Variants in SLC25A21 observed in about 807,000 individuals in gnomAD.
SLC25A21 encodes the protein solute carrier family 25 member 21.
A neutral mutation model predicts 43.8 loss-of-function variants in SLC25A21; 47 were observed. That is an observed-to-expected ratio of 1.07 (90% CI 0.85 to 1.37). SLC25A21 has a LOEUF of 1.37. Ranked by LOEUF, SLC25A21 falls within the 40% of genes most tolerant of loss-of-function variation. The pLI is 0.00. For missense variants in SLC25A21, 352 were observed against 350.2 expected, an observed-to-expected ratio of 1.00 and a Z score of -0.04; for synonymous variants, 131 against 121.3, an observed-to-expected ratio of 1.08 and a Z score of -0.52.
At chr14:37,013,960 T>C (rs1293858618) in intron 1 of SLC25A21, among the ~76,000 whole-genome samples, 1 of 152,110 alleles carries the variant, frequency 6.6e-6, no homozygotes, top group African/African-American at 2.4e-5. Flanking sequence ...AAGTGTTAAA[T>C]AGCATTATGT....
intron 1 of SLC25A21, among the ~76,000 whole-genome samples, chr14:37,054,718 A>C (rs1423623962): frequency 1.3e-5 from 2 of 152,206 alleles, no homozygotes; most frequent in African/African-American, 4.8e-5. Context: ...ATAGAACTAA[A>C]AAAAAGAATT....
At chr14:36,973,019 ATTTAT>A (rs36001814) in intron 1 of SLC25A21, among the ~76,000 whole-genome samples, 37,582 of 128,688 alleles carry the variant, frequency 0.29, 4,974 homozygotes, top group African/African-American at 0.38. Flanking sequence ...TTATTTATTT[ATTTAT>A]TTTATTTTAT....
chr14:36,727,132 A>G (rs1189319627), intron 5 of SLC25A21, among the ~76,000 whole-genome samples: 3 of 152,144 alleles, frequency 2.0e-5, no homozygotes, highest in African/African-American at 7.2e-5. Context: ...CTTGCCCCTC[A>G]CTTGCTAAGA....
intron 1 of SLC25A21, among the ~76,000 whole-genome samples, chr14:37,145,346 T>C (rs1471281848): frequency 6.6e-6 from 1 of 151,884 alleles, no homozygotes; most frequent in African/African-American, 2.4e-5. Context: ...GCAATCCTCA[T>C]GCCTTAGTCT....
intron 3 of SLC25A21, among the ~76,000 whole-genome samples, chr14:36,795,432 C>T (rs190272318): frequency 6.6e-6 from 1 of 152,186 alleles, no homozygotes; most frequent in South Asian, 2.1e-4. Flanking sequence ...CCTAGCAGTA[C>T]CATTCTTCTT....
intron 1 of SLC25A21, among the ~76,000 whole-genome samples, chr14:37,133,991 T>C (rs955954469): frequency 6.6e-6 from 1 of 152,076 alleles, no homozygotes; most frequent in Admixed American, 6.5e-5. Context: ...AACTGGCAAC[T>C]GGAAAAAACT....
chr14:36,930,217 T>C (rs932169529), intron 1 of SLC25A21, among the ~76,000 whole-genome samples: 1 of 152,176 alleles, frequency 6.6e-6, no homozygotes, highest in Admixed American at 6.5e-5. Flanking sequence ...TAATAAATTG[T>C]TGTCATAAGC....
intron 1 of SLC25A21, among the ~76,000 whole-genome samples, chr14:37,024,908 T>C (rs1961061183): frequency 1.3e-5 from 2 of 152,112 alleles, no homozygotes; most frequent in South Asian, 4.1e-4. Context: ...AGAAAATACT[T>C]TCCATTTGTC....
chr14:36,890,615 C>T (rs532261829), intron 1 of SLC25A21, among the ~76,000 whole-genome samples: 1 of 152,208 alleles, frequency 6.6e-6, no homozygotes, highest in Non-Finnish European at 1.5e-5. Flanking sequence ...ACTGTATCCT[C>T]AATGTCCAGG....
chr14:37,019,360 G>A (rs1439919372), intron 1 of SLC25A21, among the ~76,000 whole-genome samples: 1 of 151,658 alleles, frequency 6.6e-6, no homozygotes, highest in East Asian at 1.9e-4. Context: ...CATTTTAAAA[G>A]CCACTTTTTC....
chr14:37,168,960 GA>G (rs1416717306), intron 1 of SLC25A21, among the ~76,000 whole-genome samples: 2 of 152,172 alleles, frequency 1.3e-5, no homozygotes, highest in Non-Finnish European at 2.9e-5. Context: ...CTATCTTGTG[GA>G]AGACTGCCAC....
In SLC25A21 at chr14:36,848,934, T is replaced by C. The variant is rs900412735; in HGVS notation, c.119+26022A>G. On this transcript the variant is annotated intron_variant, in intron 2 of 9. Coordinates refer to ENST00000331299, the MANE Select transcript of SLC25A21 (RefSeq NM_030631.4). ...TTGTTTTTGCAACCTGATAAAATTCTGACTTTCCATCTCTCGCCCTATTAG... is the reference window on the plus strand; with the variant it reads ...TTGTTTTTGCAACCTGATAAAATTCCGACTTTCCATCTCTCGCCCTATTAG... 7.2e-5 allele frequency among the ~76,000 whole-genome samples: 11 copies of C among 152,328 alleles called. No homozygotes were observed. The East Asian group carries it at 2.1e-3, about 29-fold the overall frequency.
At chr14:37,046,544 G>A (rs570672603) in intron 1 of SLC25A21, among the ~76,000 whole-genome samples, 33 of 152,112 alleles carry the variant, frequency 2.2e-4, no homozygotes, top group African/African-American at 6.7e-4. Context: ...CACTCCCTAC[G>A]GTCATGTTGA....
intron 2 of SLC25A21, among the ~76,000 whole-genome samples, chr14:36,856,193 G>T (rs1246751999): frequency 6.6e-6 from 1 of 152,188 alleles, no homozygotes; most frequent in Admixed American, 6.5e-5. Context: ...TCGCTCCTGA[G>T]GCAGGAATGT....
intron 3 of SLC25A21, among the ~76,000 whole-genome samples, chr14:36,794,911 T>C (rs1594594637): frequency 1.3e-5 from 2 of 152,150 alleles, no homozygotes; most frequent in South Asian, 4.1e-4. Context: ...TTTCAAATAA[T>C]TGAAATTTTA....
chr14:36,712,477 G>A (rs1883925182), intron 6 of SLC25A21, among the ~76,000 whole-genome samples: 1 of 152,018 alleles, frequency 6.6e-6, no homozygotes, highest in African/African-American at 2.4e-5. Flanking sequence ...TTCTTATCAT[G>A]TGCAATTAAG....
At chr14:36,730,777 T>C (rs1374726465) in intron 4 of SLC25A21, among the ~76,000 whole-genome samples, 1 of 152,170 alleles carries the variant, frequency 6.6e-6, no homozygotes, top group Non-Finnish European at 1.5e-5. Flanking sequence ...CTATTCTAGG[T>C]ACTGGGGATG....
intron 1 of SLC25A21, among the ~76,000 whole-genome samples, chr14:37,092,081 C>A (rs562790856): frequency 2.6e-5 from 4 of 152,032 alleles, no homozygotes; most frequent in Non-Finnish European, 5.9e-5. Flanking sequence ...GAGCCAAGAT[C>A]GTGCCATTGT....
At chr14:36,730,602 T>C (rs1418142448) in intron 4 of SLC25A21, among the ~76,000 whole-genome samples, 16 of 152,168 alleles carry the variant, frequency 1.1e-4, no homozygotes, top group Admixed American at 8.5e-4. Flanking sequence ...CTTCAGTGAG[T>C]GTTTGGGCAG....
Sources: gnomAD v4.1 joint callset for allele counts (sites outside exome capture counted in the v4.1 genomes callset) on GRCh38, gnomAD v4.1.1 for gene constraint, MANE v1.5 for transcripts, NCBI Gene and HGNC (gene_info 2026-07-23, HGNC 2026-07-21) for gene names.